MED12L: variants seen among roughly 807,000 people sequenced by gnomAD.
The protein encoded by MED12L is mediator of RNA polymerase II transcription subunit 12-like protein.
MED12L carries 60 observed loss-of-function variants against 281.3 expected under a neutral mutation model. That is an observed-to-expected ratio of 0.21 (90% CI 0.17 to 0.26). MED12L has a LOEUF of 0.26. MED12L is among the 10% of genes least tolerant of loss of function. MED12L has a pLI of 1.00. For synonymous variants in MED12L, 974 were observed against 987.2 expected, an observed-to-expected ratio of 0.99 and a Z score of 0.25; for missense variants, 2,146 against 2,680.9, an observed-to-expected ratio of 0.80 and a Z score of 4.41.
chr3:151,214,383 C>A, intron 16 of MED12L: 1 of 1,322,286 alleles, frequency 7.6e-7, no homozygotes, highest in Non-Finnish European at 1.0e-6. Context: ...GCACTTATGG[C>A]CTCCAAGACA....
rs146638154 is a variant in MED12L, at chr3:151,394,494, A to C, written c.5609-162A>C. On this transcript the variant is annotated intron_variant, in intron 38 of 44. Coordinates refer to ENST00000687756, the MANE Select transcript of MED12L (RefSeq NM_001393769.1). ...CCCCTCATCTTTTGTAAGTTATGCA[A>C]CTCAACAGGTCTATAATATTTGTGG... 3.0e-3 allele frequency among the ~76,000 whole-genome samples: 451 copies of C among 152,338 alleles called. 3 individuals carry two copies. Among genetic ancestry groups the C allele is most frequent in the African/African-American group, 0.011 (439 of 41,572 alleles).
chr3:151,365,834 T>C lies in MED12L; in HGVS notation c.3186-16T>C, dbSNP rs190373963. 88 of 1,600,238 alleles carry C rather than the reference T, an allele frequency of 5.5e-5. No individual in the cohort carries two copies. In the Admixed American group the frequency reaches 1.5e-3, roughly 27 times the overall value. On this transcript the variant is annotated splice_polypyrimidine_tract_variant and intron_variant, in intron 22 of 44. Transcript: ENST00000687756. ...TTGTACAAGGTTACTTTCTGTGTCT[T>C]CTTTTTCTTTTCTAGGATTAACGAC...
At chr3:151,246,202 A>G (rs1735424202) in intron 16 of MED12L, among the ~76,000 whole-genome samples, 1 of 152,318 alleles carries the variant, frequency 6.6e-6, no homozygotes, top group Non-Finnish European at 1.5e-5. Flanking sequence ...TGCTCAAGGT[A>G]ATTTATAGAT....
At chr3:151,394,323 C>T (rs1174086152) in intron 38 of MED12L, among the ~76,000 whole-genome samples, 2 of 152,156 alleles carry the variant, frequency 1.3e-5, no homozygotes, top group Non-Finnish European at 2.9e-5. Context: ...ATGTTTTATA[C>T]AAGTAATATG....
In MED12L at chr3:151,185,342, G is replaced by C; in HGVS notation, c.1507G>C (p.Asp503His). ...TGTTGGTCATTAGGTTGCGCCCAACGATGAAGCTGTGGTGACGCTGTTATG... is the reference window on the plus strand; with the variant it reads ...TGTTGGTCATTAGGTTGCGCCCAACCATGAAGCTGTGGTGACGCTGTTATG... ...NKDNQEVAPNDEAVVTLLCEW... is the reference protein window; with the variant it reads ...NKDNQEVAPNHEAVVTLLCEW... Residue 503 changes from aspartate (D) to histidine (H), a missense_variant, in exon 12 of 45, where the codon GAT (aspartate) becomes CAT (histidine). Asp to His is a moderately conservative substitution (Grantham distance 81). Transcript: ENST00000687756. 2 of 1,613,716 alleles carry C rather than the reference G, an allele frequency of 1.2e-6. No individual in the cohort carries two copies. Among genetic ancestry groups the C allele is most frequent in the Non-Finnish European group, 1.7e-6 (2 of 1,179,854 alleles).
chr3:151,409,327 G>A lies in MED12L; in HGVS notation c.5905G>A (p.Ala1969Thr), dbSNP rs2108345376. Reference protein sequence around the residue: ...QLPQYPGLQQAQTMPQGYTMY... With the variant: ...QLPQYPGLQQTQTMPQGYTMY... Reference sequence around the variant, plus strand: ...CCCTCAGTATCCAGGGCTGCAGCAAGCACAGGTACCCACATTTGCTTTGTA... The same window carrying A: ...CCCTCAGTATCCAGGGCTGCAGCAAACACAGGTACCCACATTTGCTTTGTA... The change falls in exon 40 of 45, where the codon GCA becomes ACA. Residue 1969 changes from alanine (A) to threonine (T), a missense_variant. By Grantham distance (58) the Ala-to-Thr change is moderately conservative (BLOSUM62 0). This residue lies in a region of MED12L where 496 missense variants were observed against 512.0 expected (regional missense o/e 0.97). Transcript: ENST00000687756. 1 of 1,614,032 alleles carries A rather than the reference G, an allele frequency of 6.2e-7. No homozygotes were observed. Among genetic ancestry groups the A allele is most frequent in the East Asian group, 2.2e-5 (1 of 44,880 alleles).
chr3:151,309,135 A>ATG (rs1560011298), intron 16 of MED12L, among the ~76,000 whole-genome samples: 25 of 129,560 alleles, frequency 1.9e-4, no homozygotes, highest in Admixed American at 6.4e-4. Context: ...ACACACACAC[A>ATG]CACACGCACA....
rs1225234777 is a variant in MED12L, at chr3:151,161,128, C to G, written c.1107+1027C>G. On this transcript the variant is annotated intron_variant, in intron 8 of 44. Coordinates refer to ENST00000687756, the MANE Select transcript of MED12L (RefSeq NM_001393769.1). Reference sequence around the variant, plus strand: ...GTGACACAGGTAGTTGTGTAATTGTCGTTAGATTGATTGGCCACAGTAGAG... The same window carrying G: ...GTGACACAGGTAGTTGTGTAATTGTGGTTAGATTGATTGGCCACAGTAGAG... 2.6e-5 allele frequency among the ~76,000 whole-genome samples: 4 copies of G among 152,026 alleles called. No homozygotes were observed. In the South Asian group the frequency reaches 8.3e-4, roughly 32 times the overall value.
intron 2 of MED12L, among the ~76,000 whole-genome samples, chr3:151,095,784 T>C (rs549524885): frequency 6.6e-6 from 1 of 152,276 alleles, no homozygotes; most frequent in Non-Finnish European, 1.5e-5. Flanking sequence ...TGCATGCCTG[T>C]AATCCCAGCT....
intron 40 of MED12L, among the ~76,000 whole-genome samples, chr3:151,410,746 A>G (rs894669092): frequency 6.6e-6 from 1 of 152,218 alleles, no homozygotes; most frequent in African/African-American, 2.4e-5. Context: ...TAAGGTATTA[A>G]TAGTTTTTTG....
intron 16 of MED12L, among the ~76,000 whole-genome samples, chr3:151,269,158 T>C (rs1162391346): frequency 6.6e-6 from 1 of 152,076 alleles, no homozygotes; most frequent in African/African-American, 2.4e-5. Flanking sequence ...GCCTATACTC[T>C]GGGAGGCCAA....
At chr3:151,313,557 A>G (rs947443791) in intron 16 of MED12L, among the ~76,000 whole-genome samples, 3 of 151,548 alleles carry the variant, frequency 2.0e-5, no homozygotes, top group African/African-American at 2.4e-5. Context: ...AAAAAAATGC[A>G]TGATAAGGCC....
intron 39 of MED12L, among the ~76,000 whole-genome samples, chr3:151,401,123 GTAT>G (rs1475143519): frequency 1.3e-5 from 2 of 152,206 alleles, no homozygotes; most frequent in South Asian, 2.1e-4. Context: ...CACACGTGTT[GTAT>G]TATTTTGCGG....
chr3:151,218,510 A>T (rs1198931864), intron 16 of MED12L, among the ~76,000 whole-genome samples: 1 of 152,220 alleles, frequency 6.6e-6, no homozygotes, highest in Non-Finnish European at 1.5e-5. Context: ...GAATATAAAC[A>T]ATGCTTCCTA....
intron 9 of MED12L, 23 bp from the exon 10 acceptor site, chr3:151,165,397 A>G: frequency 6.3e-7 from 1 of 1,594,482 alleles, no homozygotes; most frequent in Non-Finnish European, 8.6e-7. Context: ...AGCACAAGTT[A>G]ATTAGAAGCG....
At chr3:151,237,579 G>A (rs1000063757) in intron 16 of MED12L, among the ~76,000 whole-genome samples, 2 of 150,490 alleles carry the variant, frequency 1.3e-5, no homozygotes, top group African/African-American at 4.9e-5. Flanking sequence ...TCGAACTCCT[G>A]ACCTCAGGTG....
intron 11 of MED12L, among the ~76,000 whole-genome samples, chr3:151,176,883 C>T (rs1160240481): frequency 1.3e-5 from 2 of 152,198 alleles, no homozygotes; most frequent in African/African-American, 4.8e-5. Flanking sequence ...TCCCCATCTA[C>T]CTTGTTTATT....
intron 16 of MED12L, chr3:151,199,118 G>T: frequency 6.2e-7 from 1 of 1,614,010 alleles, no homozygotes; most frequent in Non-Finnish European, 8.5e-7. Context: ...GAGGCAGGCT[G>T]TTACTTGGCA....
chr3:151,158,805 G>A lies in MED12L; in HGVS notation c.837+6G>A, dbSNP rs1459653323. The A allele has an allele frequency of 6.3e-7, 1 of 1,582,776 alleles. No homozygotes were observed. ...TGCTACCACTAATGCTGCAGGTATA[G>A]TACATGTCCCCTTGAGGCAGTTGGT... is the stretch of plus-strand genomic sequence containing the variant. On this transcript the variant is annotated splice_donor_region_variant and intron_variant, in intron 7 of 44. Transcript: ENST00000687756.
Sources: allele counts gnomAD v4.1 joint callset (sites outside exome capture counted in the v4.1 genomes callset), GRCh38; gene constraint gnomAD v4.1.1; regional missense constraint gnomAD v4.1.1; transcripts MANE v1.5; gene names NCBI Gene and HGNC (gene_info 2026-07-23, HGNC 2026-07-21).